The following MCCC1 variants were observed in gnomAD, a reference collection of about 807,000 sequenced individuals.
The protein encoded by MCCC1 is methylcrotonyl-CoA carboxylase subunit 1.
In MCCC1, 64 loss-of-function variants were observed where a neutral mutation model predicts 83.8. The observed-to-expected ratio is 0.76, with a 90% CI of 0.62 to 0.94. MCCC1 has a LOEUF of 0.94. Ranked by LOEUF, MCCC1 falls within the 40% of genes least tolerant of loss-of-function variation. MCCC1 has a pLI of 0.00. For missense variants in MCCC1, 807 were observed against 904.7 expected, an observed-to-expected ratio of 0.89 and a Z score of 1.39; for synonymous variants, 322 against 315.4, an observed-to-expected ratio of 1.02 and a Z score of -0.22.
chr3:183,074,080 T>C (rs942221749), intron 4 of MCCC1, among the ~76,000 whole-genome samples: 3 of 152,192 alleles, frequency 2.0e-5, no homozygotes, highest in Non-Finnish European at 2.9e-5. Context: ...TTGAAACTTA[T>C]CAATTGTTGA....
intron 3 of MCCC1, among the ~76,000 whole-genome samples, chr3:183,087,671 G>A (rs1302602140): frequency 2.0e-5 from 3 of 151,838 alleles, no homozygotes; most frequent in South Asian, 2.1e-4. Flanking sequence ...GATTGAGACC[G>A]TCCTGGCTAA....
At position 183,088,656 on chromosome 3, in the gene MCCC1, T is replaced by C. The variant is rs115021642; in HGVS notation, c.274-1868A>G. 6.9e-3 allele frequency among the ~76,000 whole-genome samples: 1,048 copies of C among 152,362 alleles called. 5 individuals are homozygous for C. Among genetic ancestry groups the C allele is most frequent in the Middle Eastern group, 0.01 (3 of 294 alleles). On this transcript the variant is annotated intron_variant, in intron 3 of 18. Transcript: ENST00000265594. ...TCCACTATAATAAACCTGGGACATATTGTTCCATATCCATATTCCTAACTA... is the reference window on the plus strand; with the variant it reads ...TCCACTATAATAAACCTGGGACATACTGTTCCATATCCATATTCCTAACTA...
intron 1 of MCCC1, among the ~76,000 whole-genome samples, chr3:183,096,112 G>T (rs919217811): frequency 6.6e-6 from 1 of 152,142 alleles, no homozygotes; most frequent in East Asian, 1.9e-4. Flanking sequence ...GAGGTGGGGG[G>T]ATTACCTGAG....
At chr3:183,016,871 G>A (rs1007359809) in intron 18 of MCCC1, among the ~76,000 whole-genome samples, 1 of 152,162 alleles carries the variant, frequency 6.6e-6, no homozygotes, top group Non-Finnish European at 1.5e-5. Flanking sequence ...CTGATGCCTG[G>A]CATCCTTGGT....
intron 17 of MCCC1, 174 bp from the exon 18 acceptor site, chr3:183,017,511 C>G: frequency 1.6e-6 from 1 of 636,530 alleles, no homozygotes; most frequent in South Asian, 1.9e-5. Context: ...CACAGAGGTC[C>G]TTTGTGGTCC....
chr3:183,076,227 G>A (rs1717061005), intron 4 of MCCC1, among the ~76,000 whole-genome samples: 1 of 152,102 alleles, frequency 6.6e-6, no homozygotes, highest in South Asian at 2.1e-4. Flanking sequence ...AGCAACAACT[G>A]ACTTGTTGTC....
chr3:183,114,718 T>C (rs2134428), intron 1 of MCCC1, among the ~76,000 whole-genome samples: 135,990 of 152,274 alleles, frequency 0.89, 60,949 homozygotes, highest in Non-Finnish European at 0.93. Context: ...ACAGTGACTC[T>C]AGATCTAAAA....
intron 13 of MCCC1, among the ~76,000 whole-genome samples, chr3:183,035,275 T>C (rs1713473340): frequency 6.6e-6 from 1 of 152,194 alleles, no homozygotes; most frequent in South Asian, 2.1e-4. Context: ...CGTATTTAGA[T>C]GCATTTTCAT....
At chr3:183,072,200 C>T (rs1173893976) in intron 5 of MCCC1, among the ~76,000 whole-genome samples, 166 bp downstream of exon 5, 1 of 152,062 alleles carries the variant, frequency 6.6e-6, no homozygotes, top group Admixed American at 6.6e-5. Flanking sequence ...TTTTGAGAGA[C>T]AAGGTCTCAC....
At chr3:183,047,094 A>C (rs1286627362) in intron 9 of MCCC1, among the ~76,000 whole-genome samples, 1 of 152,208 alleles carries the variant, frequency 6.6e-6, no homozygotes, top group Admixed American at 6.5e-5. Context: ...AGGGAAATGA[A>C]ACCACTTTGA....
At chr3:183,056,442 T>A (rs1715430806) in intron 8 of MCCC1, among the ~76,000 whole-genome samples, 1 of 152,150 alleles carries the variant, frequency 6.6e-6, no homozygotes, top group South Asian at 2.1e-4. Flanking sequence ...GTCCTAGTAG[T>A]AGGCTTTGAC....
chr3:183,055,010 T>C (rs1715301339), intron 8 of MCCC1, among the ~76,000 whole-genome samples: 1 of 152,176 alleles, frequency 6.6e-6, no homozygotes, highest in South Asian at 2.1e-4. Flanking sequence ...GTTAACACAA[T>C]TACAAAATCA....
At chr3:183,079,013 G>A (rs1717290551) in intron 4 of MCCC1, among the ~76,000 whole-genome samples, 1 of 152,080 alleles carries the variant, frequency 6.6e-6, no homozygotes, top group Admixed American at 6.5e-5. Context: ...GGAAAGACCT[G>A]CCCCCATAAT....
At chr3:183,070,066 T>G (rs1157254699) in intron 7 of MCCC1, among the ~76,000 whole-genome samples, 1 of 152,206 alleles carries the variant, frequency 6.6e-6, no homozygotes, top group Non-Finnish European at 1.5e-5. Flanking sequence ...CTAATGAGGT[T>G]GTTGTAAGAA....
chr3:183,103,254 G>A (rs1414506810), upstream of MCCC1, among the ~76,000 whole-genome samples: 1 of 152,082 alleles, frequency 6.6e-6, no homozygotes, highest in African/African-American at 2.4e-5. Flanking sequence ...AAGAGCGAAA[G>A]AACAAAGCTT....
chr3:183,015,349 T>C lies in MCCC1; in HGVS notation c.*89A>G. On this transcript the variant is annotated 3_prime_UTR_variant, in exon 19 of 19. Coordinates refer to ENST00000265594, the MANE Select transcript of MCCC1 (RefSeq NM_020166.5). ...ATACAATCATTTAGTAAAACTGCTCTTTATGAGACCCCCAGAAAAGCTGGA... is the reference window on the plus strand; with the variant it reads ...ATACAATCATTTAGTAAAACTGCTCCTTATGAGACCCCCAGAAAAGCTGGA... 1 of 1,436,308 alleles carries C rather than the reference T, an allele frequency of 7.0e-7. No individual in the cohort carries two copies. The highest frequency in any genetic ancestry group is 9.8e-7 in the Non-Finnish European group (1 of 1,019,792). The allele number at this position is 1,436,308 out of a possible 1,614,324, so 89.0% of individuals were successfully genotyped here. A position where few individuals can be genotyped will look rare whatever the true frequency, so the allele number is the denominator to read the frequency against.
chr3:183,100,295 T>A (rs531795324), upstream of MCCC1, among the ~76,000 whole-genome samples: 1 of 152,304 alleles, frequency 6.6e-6, no homozygotes, highest in South Asian at 2.1e-4. Flanking sequence ...ATGAAATGGA[T>A]GATGTTACAA....
intron 17 of MCCC1, 114 bp from the exon 18 acceptor site, chr3:183,017,451 G>T: frequency 1.1e-6 from 1 of 924,610 alleles, no homozygotes; most frequent in Non-Finnish European, 1.8e-6. Flanking sequence ...ACATCATGTT[G>T]CAAACCATGA....
chr3:183,047,862 C>T (rs571003957), intron 9 of MCCC1, among the ~76,000 whole-genome samples: 6 of 152,040 alleles, frequency 3.9e-5, no homozygotes, highest in East Asian at 3.9e-4. Flanking sequence ...GTATTAACTA[C>T]GCAGAACGAG....
Sources: gnomAD v4.1 joint callset for allele counts (sites outside exome capture counted in the v4.1 genomes callset) on GRCh38, gnomAD v4.1.1 for gene constraint, MANE v1.5 for transcripts, NCBI Gene and HGNC (gene_info 2026-07-23, HGNC 2026-07-21) for gene names.